Variants in COL13A1 observed in about 807,000 individuals in gnomAD.
COL13A1 encodes the protein collagen alpha-1(XIII) chain.
A neutral mutation model predicts 130.9 loss-of-function variants in COL13A1; 89 were observed. The ratio of observed to expected loss-of-function variants is 0.68; its 90% CI spans 0.57 to 0.81. The LOEUF is 0.81. Ranked by LOEUF, COL13A1 falls within the 30% of genes least tolerant of loss-of-function variation. The pLI, the probability that COL13A1 is intolerant of heterozygous loss-of-function variation, is 0.00. For synonymous variants in COL13A1, 402 were observed against 341.6 expected (o/e 1.18, Z -1.95); for missense variants, 879 against 934.6 (o/e 0.94, Z 0.78).
At chr10:69,808,822 G>A (rs2763342) in intron 1 of COL13A1, among the ~76,000 whole-genome samples, 42,052 of 152,116 alleles carry the variant, frequency 0.28, 5,902 homozygotes, top group Non-Finnish European at 0.3. Context: ...TTATTAGTCA[G>A]CTCTCCTCGC....
At chr10:69,874,032 T>C (rs553644352) in intron 4 of COL13A1, among the ~76,000 whole-genome samples, 1 of 152,348 alleles carries the variant, frequency 6.6e-6, no homozygotes, top group Non-Finnish European at 1.5e-5. Flanking sequence ...TCCACAGAAC[T>C]GATGCTCAGA....
At chr10:69,812,209 C>G (rs2683551) in intron 1 of COL13A1, among the ~76,000 whole-genome samples, 107,285 of 152,138 alleles carry the variant, frequency 0.71, 37,923 homozygotes, top group Non-Finnish European at 0.74. Context: ...CTCTCTCCAG[C>G]CTCATGGCTC....
intron 12 of COL13A1, among the ~76,000 whole-genome samples, chr10:69,895,249 C>T (rs1012445180): frequency 3.9e-5 from 6 of 152,180 alleles, no homozygotes; most frequent in Admixed American, 2.6e-4. Flanking sequence ...GTCAACCTTT[C>T]GCCAGGCATG....
At chr10:69,848,814 A>C (rs1455497624) in intron 2 of COL13A1, among the ~76,000 whole-genome samples, 1 of 152,180 alleles carries the variant, frequency 6.6e-6, no homozygotes, top group Non-Finnish European at 1.5e-5. Context: ...ACTTAAGGAC[A>C]AGTGAGGGCC....
chr10:69,912,003 C>A (rs1042138159), intron 17 of COL13A1, among the ~76,000 whole-genome samples: 3 of 152,184 alleles, frequency 2.0e-5, no homozygotes, highest in South Asian at 2.1e-4. Flanking sequence ...GATGCAGGAG[C>A]CTGCTAGTGC....
intron 2 of COL13A1, among the ~76,000 whole-genome samples, chr10:69,853,378 T>C (rs890530663): frequency 6.6e-6 from 1 of 151,998 alleles, no homozygotes; most frequent in Non-Finnish European, 1.5e-5. Flanking sequence ...ATCTGCTGAG[T>C]GACCTCGACT....
intron 2 of COL13A1, among the ~76,000 whole-genome samples, chr10:69,866,818 G>T (rs901600291): frequency 6.6e-6 from 1 of 152,176 alleles, no homozygotes; most frequent in East Asian, 1.9e-4. Flanking sequence ...GGGAATGGGA[G>T]GAGCACGGGG....
intron 2 of COL13A1, among the ~76,000 whole-genome samples, chr10:69,861,893 T>TG (rs1264485668): frequency 1.3e-5 from 2 of 152,168 alleles, no homozygotes; most frequent in East Asian, 1.9e-4. Flanking sequence ...TGGAAAGGTC[T>TG]GGGGGTGTCT....
At chr10:69,859,115 A>G (rs1198372742) in intron 2 of COL13A1, among the ~76,000 whole-genome samples, 1 of 152,188 alleles carries the variant, frequency 6.6e-6, no homozygotes, top group Non-Finnish European at 1.5e-5. Flanking sequence ...CACACCTTGT[A>G]TAGTTACCTT....
chr10:69,846,468 C>A (rs968772952), intron 2 of COL13A1, among the ~76,000 whole-genome samples: 1 of 152,196 alleles, frequency 6.6e-6, no homozygotes, highest in Non-Finnish European at 1.5e-5. Flanking sequence ...GCCCGCCCAA[C>A]TCTTGTACAC....
chr10:69,830,262 A>G (rs1848501551), intron 2 of COL13A1, among the ~76,000 whole-genome samples: 1 of 152,270 alleles, frequency 6.6e-6, no homozygotes, highest in Admixed American at 6.5e-5. Context: ...TGCGTAAAAG[A>G]AGAAGAGATG....
intron 37 of COL13A1, 70 bp from the exon 38 acceptor site, chr10:69,947,237 G>A (rs1373091814): frequency 7.1e-7 from 1 of 1,415,320 alleles, no homozygotes; most frequent in African/African-American, 1.4e-5. Flanking sequence ...TGATGAGCCT[G>A]GAAGAAAGCA....
chr10:69,896,921 G>A (rs1460703319), intron 13 of COL13A1, among the ~76,000 whole-genome samples: 2 of 152,230 alleles, frequency 1.3e-5, no homozygotes, highest in Non-Finnish European at 2.9e-5. Flanking sequence ...ATGGGCTCAC[G>A]GGGTTATTAT....
At position 69,802,542 on chromosome 10, in the gene COL13A1, C is replaced by G. The variant is rs758123702; in HGVS notation, c.119C>G (p.Pro40Arg). 6.3e-7 allele frequency: 1 copy of G among 1,597,436 alleles called. No homozygotes were observed. ...CGGGCGGAGCGCGGCGCACGGCTGC[C>G]GAGTCCAGGGTCGTGCGGGCTGCTG... ...AARAERGARLPSPGSCGLLTL... is the reference protein window; with the variant it reads ...AARAERGARLRSPGSCGLLTL... The change falls in exon 1 of 41, where the codon CCG (proline) becomes CGG (arginine). Residue 40 changes from proline (P) to arginine (R), a missense_variant. Transcript: ENST00000645393.
At chr10:69,887,572 C>G in intron 8 of COL13A1, 81 bp downstream of exon 8, 2 of 1,454,990 alleles carry the variant, frequency 1.4e-6, no homozygotes, top group Non-Finnish European at 1.9e-6. Flanking sequence ...GAGGTCAGCC[C>G]CGGTTCCACT....
intron 7 of COL13A1, among the ~76,000 whole-genome samples, chr10:69,887,038 G>C (rs1564950880): frequency 6.6e-6 from 1 of 152,198 alleles, no homozygotes; most frequent in East Asian, 1.9e-4. Flanking sequence ...GCCATCCTTA[G>C]ATAAGTGGCC....
intron 2 of COL13A1, among the ~76,000 whole-genome samples, chr10:69,855,081 C>T (rs1318725209): frequency 6.6e-6 from 1 of 152,166 alleles, no homozygotes; most frequent in South Asian, 2.1e-4. Flanking sequence ...ACCTATGGAG[C>T]CTGGGTGTTT....
Position 69,922,639 on chromosome 10 carries a change from G to A in COL13A1, c.1144-69G>A, listed in dbSNP as rs1479117687. On this transcript the variant is annotated intron_variant, in intron 22 of 40. Transcript: ENST00000645393. ...GACATCCTGGGGCCCACACCCCATA[G>A]TGTCCCTCCAGTGCTCAGCCTAGAC... 4 of 1,167,030 alleles carry A rather than the reference G, an allele frequency of 3.4e-6. No homozygotes were observed. In the African/African-American group the frequency reaches 4.7e-5, roughly 14 times the overall value. The allele number at this position is 1,167,030 out of a possible 1,614,324, so 72.3% of individuals were successfully genotyped here.
rs2135700442 is a variant in COL13A1, at chr10:69,924,967, A to T, written c.1289A>T (p.Glu430Val). The T allele has an allele frequency of 6.3e-7, 1 of 1,589,158 alleles. No homozygotes were observed. The highest frequency in any genetic ancestry group is 2.3e-5 in the East Asian group (1 of 43,812). Residue 430 changes from glutamate (E) to valine (V), a missense_variant, in exon 25 of 41, where the codon GAG (glutamate) becomes GTG (valine). Around this residue, in one of 3 missense-constraint regions of COL13A1, gnomAD observed 715 missense variants for 721.0 expected, o/e 0.99. Coordinates refer to ENST00000645393, the MANE Select transcript of COL13A1 (RefSeq NM_001368882.1). ...TCCAATTTTGTCATGCAACAGGGGGAGCGTGGAGCAGCTGGAGAACAGGGA... is the reference window on the plus strand; with the variant it reads ...TCCAATTTTGTCATGCAACAGGGGGTGCGTGGAGCAGCTGGAGAACAGGGA... ...GPPGQPGDKGERGAAGEQGPD... is the reference protein window; with the variant it reads ...GPPGQPGDKGVRGAAGEQGPD...
Sources: gnomAD v4.1 joint callset for allele counts (sites outside exome capture counted in the v4.1 genomes callset) on GRCh38, gnomAD v4.1.1 for gene constraint, gnomAD v4.1.1 regional missense constraint, MANE v1.5 for transcripts, NCBI Gene and HGNC (gene_info 2026-07-23, HGNC 2026-07-21) for gene names.